RSF1: variants seen among roughly 807,000 people sequenced by gnomAD.
RSF1 encodes remodeling and spacing factor 1.
A neutral mutation model predicts 145.2 loss-of-function variants in RSF1; 13 were observed. The ratio of observed to expected loss-of-function variants is 0.09; its 90% CI spans 0.06 to 0.14. The LOEUF (loss-of-function observed/expected upper bound fraction) is 0.14. Ranked by LOEUF, RSF1 falls within the 10% of genes least tolerant of loss-of-function variation. RSF1 has a pLI of 1.00. For synonymous variants in RSF1, 577 were observed against 592.6 expected, an observed-to-expected ratio of 0.97 and a Z score of 0.38; for missense variants, 1,517 against 1,718.2, an observed-to-expected ratio of 0.88 and a Z score of 2.07.
At chr11:77,820,746 G>T (rs535755007), upstream of RSF1, 1 of 1,530,216 alleles carries the variant, frequency 6.5e-7, no homozygotes, top group South Asian at 1.2e-5. Flanking sequence ...GGAGGCGATG[G>T]GGGGGCGGGG....
At chr11:77,704,394 C>A (rs1960494020) in intron 5 of RSF1, among the ~76,000 whole-genome samples, 1 of 152,130 alleles carries the variant, frequency 6.6e-6, no homozygotes, top group South Asian at 2.1e-4. Context: ...TATTTTTTAT[C>A]CCTATTCTAT....
chr11:77,751,390 G>C (rs1948062278), intron 2 of RSF1, among the ~76,000 whole-genome samples: 1 of 152,144 alleles, frequency 6.6e-6, no homozygotes, highest in Admixed American at 6.5e-5. Flanking sequence ...GCTCTCAAAG[G>C]AATTTACTTC....
chr11:77,860,393 G>A, the RSF1 span, among the ~76,000 whole-genome samples: 6 of 152,232 alleles, frequency 3.9e-5, no homozygotes, highest in African/African-American at 1.4e-4. Context: ...GCCAGTGTGG[G>A]CTGGGTACAT....
intron 5 of RSF1, among the ~76,000 whole-genome samples, chr11:77,718,949 C>T (rs1174663110): frequency 6.6e-6 from 1 of 152,130 alleles, no homozygotes; most frequent in Non-Finnish European, 1.5e-5. Flanking sequence ...AGTTAATCTA[C>T]CTACTATAAC....
intron 2 of RSF1, 107 bp from the exon 3 acceptor site, chr11:77,747,235 G>C (rs1402258223): frequency 2.2e-5 from 15 of 669,774 alleles, no homozygotes; most frequent in African/African-American, 5.5e-5. Context: ...AAAGGAAAGA[G>C]GTTACACTAA....
intron 6 of RSF1, among the ~76,000 whole-genome samples, chr11:77,700,263 A>G (rs1226135504): frequency 6.8e-6 from 1 of 148,106 alleles, no homozygotes; most frequent in African/African-American, 2.5e-5. Context: ...AGGCAAGAGA[A>G]TCGCTTGAAC....
At chr11:77,683,965 C>G in intron 10 of RSF1, 146 bp from the exon 11 acceptor site, 1 of 583,364 alleles carries the variant, frequency 1.7e-6, no homozygotes, top group Non-Finnish European at 3.0e-6. Context: ...AGTGAATAAA[C>G]ATGGCAACAC....
intron 3 of RSF1, among the ~76,000 whole-genome samples, chr11:77,745,088 T>C (rs953174896): frequency 1.3e-5 from 2 of 152,188 alleles, no homozygotes; most frequent in South Asian, 4.1e-4. Flanking sequence ...CAATTGTTCA[T>C]AGTTGTTTCT....
rs755960419 is a variant in RSF1 at position 77,701,487 on chromosome 11, A to T, written c.1742T>A (p.Ile581Asn). The T allele has an allele frequency of 1.9e-6, 3 of 1,613,882 alleles. No individual in the cohort carries two copies. Among genetic ancestry groups the T allele is most frequent in the Non-Finnish European group, 2.5e-6 (3 of 1,179,962 alleles). ...PKTKKDKRPP[I>N]LECLEKLEKS... is the part of the protein sequence containing the mutation. ...CTCTAACTTTTCAAGACATTCTAGG[A>T]TTGGTGGGCGCTTATCCTTCTTAGT... The change falls in exon 6 of 16, where the codon ATC becomes AAC. Residue 581 changes from isoleucine to asparagine, a missense_variant. Physicochemically the swap from Ile to Asn is moderately radical, Grantham distance 149 (BLOSUM62 -3). Around this residue, in one of 12 missense-constraint regions of RSF1, gnomAD observed 579 missense variants for 553.5 expected, o/e 1.05. Coordinates refer to ENST00000308488, the MANE Select transcript of RSF1 (RefSeq NM_016578.4).
At chr11:77,693,484 A>G (rs1244116622) in intron 8 of RSF1, 23 bp downstream of exon 8, 1 of 1,481,028 alleles carries the variant, frequency 6.8e-7, no homozygotes, top group East Asian at 2.3e-5. Flanking sequence ...AAAGACTAGA[A>G]AAACAAGTGG....
At chr11:77,779,366 T>G (rs1469356037) in intron 1 of RSF1, among the ~76,000 whole-genome samples, 1 of 151,136 alleles carries the variant, frequency 6.6e-6, no homozygotes, top group African/African-American at 2.4e-5. Context: ...CCACTATGCC[T>G]TGCTATTTCT....
chr11:77,799,706 A>G (rs1441089708), intron 1 of RSF1, among the ~76,000 whole-genome samples: 1 of 152,138 alleles, frequency 6.6e-6, no homozygotes, highest in African/African-American at 2.4e-5. Flanking sequence ...ATGGAATCAC[A>G]CTCAAAGAAA....
At chr11:77,678,790 C>T (rs1959782228) in intron 11 of RSF1, among the ~76,000 whole-genome samples, 1 of 152,158 alleles carries the variant, frequency 6.6e-6, no homozygotes, top group South Asian at 2.1e-4. Flanking sequence ...AAAAACTCCC[C>T]TCATCCCTTC....
chr11:77,811,015 C>T (rs1039660240), intron 1 of RSF1, among the ~76,000 whole-genome samples: 35 of 152,094 alleles, frequency 2.3e-4, no homozygotes, highest in Non-Finnish European at 3.2e-4. Flanking sequence ...GACAATCCTC[C>T]GAAAGTGCTT....
the RSF1 span, among the ~76,000 whole-genome samples, chr11:77,870,543 T>A: frequency 6.6e-6 from 1 of 151,956 alleles, no homozygotes; most frequent in African/African-American, 2.4e-5. Flanking sequence ...TTCACCGTGT[T>A]AGCCAGGATG....
At chr11:77,734,774 C>G in intron 4 of RSF1, 1 of 1,591,290 alleles carries the variant, frequency 6.3e-7, no homozygotes. Flanking sequence ...TTTTTGATAT[C>G]CTGAAGGAAG....
intron 4 of RSF1, among the ~76,000 whole-genome samples, chr11:77,733,699 C>T (rs1364492043): frequency 6.6e-6 from 1 of 151,948 alleles, no homozygotes; most frequent in Non-Finnish European, 1.5e-5. Context: ...GTCACTGAGA[C>T]TACAGGCAAG....
At chr11:77,686,795 C>T (rs1565148305) in intron 9 of RSF1, among the ~76,000 whole-genome samples, 1 of 152,242 alleles carries the variant, frequency 6.6e-6, no homozygotes, top group East Asian at 1.9e-4. Flanking sequence ...AATGTATATC[C>T]ATCCCTCTTT....
At chr11:77,863,679 G>A in the RSF1 span, among the ~76,000 whole-genome samples, 97 of 152,134 alleles carry the variant, frequency 6.4e-4, 2 homozygotes, top group African/African-American at 2.3e-3. Context: ...ATAAGCCACC[G>A]CACCTGGCTG....
Sources: gnomAD v4.1 joint callset for allele counts (sites outside exome capture counted in the v4.1 genomes callset) on GRCh38, gnomAD v4.1.1 for gene constraint, gnomAD v4.1.1 regional missense constraint, MANE v1.5 for transcripts, NCBI Gene and HGNC (gene_info 2026-07-23, HGNC 2026-07-21) for gene names.